PKIB: variants seen among roughly 807,000 people sequenced by gnomAD.
PKIB encodes the protein PKI-beta.
In PKIB, 2 loss-of-function variants were observed where a neutral mutation model predicts 4.5. The observed-to-expected ratio is 0.44, with a 90% CI of 0.18 to 1.39. The LOEUF (loss-of-function observed/expected upper bound fraction) is 1.39. Among genes scored for constraint, PKIB ranks in the 40% most tolerant of loss-of-function variants. PKIB has a pLI of 0.27. For synonymous variants in PKIB, 38 were observed against 36.0 expected, an observed-to-expected ratio of 1.06 and a Z score of -0.20; for missense variants, 94 against 92.6, an observed-to-expected ratio of 1.02 and a Z score of -0.06.
chr6:122,628,061 CAG>C (rs1294701015), intron 1 of PKIB, among the ~76,000 whole-genome samples: 5 of 143,358 alleles, frequency 3.5e-5, no homozygotes, highest in East Asian at 2.1e-4. Flanking sequence ...TTTTTTGAGA[CAG>C]AGTTTTGCTC....
At chr6:122,667,250 G>C (rs1404713758) in intron 2 of PKIB, among the ~76,000 whole-genome samples, 2 of 152,088 alleles carry the variant, frequency 1.3e-5, no homozygotes, top group Admixed American at 6.5e-5. Context: ...TTTAACCTCA[G>C]ATATACCTAT....
At chr6:122,716,785 T>A (rs971879405) in intron 3 of PKIB, among the ~76,000 whole-genome samples, 7 of 152,174 alleles carry the variant, frequency 4.6e-5, no homozygotes, top group Non-Finnish European at 1.0e-4. Flanking sequence ...TTTTTAGGTA[T>A]CACAAATGAG....
At position 122,688,419 on chromosome 6, in the gene PKIB, C is replaced by T. The variant is rs114556500; in HGVS notation, c.-9+13275C>T. Among the ~76,000 whole-genome samples, 454 of 152,036 alleles carry T rather than the reference C, an allele frequency of 3.0e-3. 1 individual carries two copies. The highest frequency in any genetic ancestry group is 0.011 in the African/African-American group (438 of 41,516). On this transcript the variant is annotated intron_variant, in intron 3 of 4. Coordinates refer to ENST00000368452, the MANE Select transcript of PKIB (RefSeq NM_181795.3). ...GATATTGGTGTGTATTTTTCTCTTT[C>T]GGATGTGTCTTTGTCTGGTTTTGGA...
At chr6:122,529,215 A>G (rs1461652629) in intron 2 of PKIB, among the ~76,000 whole-genome samples, 1 of 152,114 alleles carries the variant, frequency 6.6e-6, no homozygotes, top group Non-Finnish European at 1.5e-5. Flanking sequence ...CCTTTTGGAT[A>G]TATTACATAG....
At chr6:122,544,384 T>TA (rs11393404) in intron 2 of PKIB, among the ~76,000 whole-genome samples, 128,625 of 151,004 alleles carry the variant, frequency 0.85, 54,976 homozygotes, top group South Asian at 0.95. Context: ...TTTTAAAAAT[T>TA]AAAAAAAAAT....
chr6:122,497,819 A>G (rs1435748500), intron 2 of PKIB, among the ~76,000 whole-genome samples: 3 of 152,174 alleles, frequency 2.0e-5, no homozygotes, highest in African/African-American at 7.2e-5. Flanking sequence ...AAGAAAACTA[A>G]TAAGAAAGTC....
intron 3 of PKIB, 31 bp from the exon 4 acceptor site, chr6:122,717,756 C>T (rs552648535): frequency 6.2e-7 from 1 of 1,607,454 alleles, no homozygotes; most frequent in African/African-American, 1.3e-5. Flanking sequence ...TGAATAGGCT[C>T]ATCTTCTTCA....
chr6:122,634,920 TG>T (rs746127332), intron 2 of PKIB, among the ~76,000 whole-genome samples: 2 of 150,892 alleles, frequency 1.3e-5, no homozygotes, highest in South Asian at 4.2e-4. Context: ...CCAGCCTGGG[TG>T]ACAGAGCGAG....
intron 2 of PKIB, among the ~76,000 whole-genome samples, chr6:122,653,808 A>C (rs1776665422): frequency 6.6e-6 from 1 of 152,112 alleles, no homozygotes; most frequent in African/African-American, 2.4e-5. Flanking sequence ...TAAAAGTACA[A>C]AAATTAGCTG....
intron 3 of PKIB, among the ~76,000 whole-genome samples, chr6:122,707,585 G>T (rs1188231077): frequency 1.3e-5 from 2 of 152,042 alleles, no homozygotes; most frequent in Non-Finnish European, 2.9e-5. Flanking sequence ...ACTCAGCCAT[G>T]TTCCTTGCTT....
At chr6:122,490,068 G>A (rs1231886570) in intron 2 of PKIB, among the ~76,000 whole-genome samples, 1 of 152,180 alleles carries the variant, frequency 6.6e-6, no homozygotes, top group African/African-American at 2.4e-5. Context: ...TTCAAAAATA[G>A]TTTGCAAACT....
chr6:122,715,095 AT>A (rs563770467), intron 3 of PKIB, among the ~76,000 whole-genome samples: 2 of 151,936 alleles, frequency 1.3e-5, no homozygotes, highest in South Asian at 2.1e-4. Context: ...AAAAAAAAAA[AT>A]ATTTAAAAAA....
intron 1 of PKIB, among the ~76,000 whole-genome samples, chr6:122,628,040 T>G (rs1389831350): frequency 6.8e-6 from 1 of 146,240 alleles, no homozygotes; most frequent in Non-Finnish European, 1.5e-5. Flanking sequence ...GTGTATCCAG[T>G]TCTTTTTTTT....
At chr6:122,541,452 G>A (rs1317996776) in intron 2 of PKIB, among the ~76,000 whole-genome samples, 1 of 151,816 alleles carries the variant, frequency 6.6e-6, no homozygotes, top group African/African-American at 2.4e-5. Flanking sequence ...AGCTTAGTTT[G>A]GCTGGATATG....
chr6:122,703,504 G>A (rs530438964), intron 3 of PKIB, among the ~76,000 whole-genome samples: 5 of 152,014 alleles, frequency 3.3e-5, no homozygotes, highest in African/African-American at 1.2e-4. Flanking sequence ...ACATATGTAA[G>A]TATAAATGAC....
intron 2 of PKIB, among the ~76,000 whole-genome samples, chr6:122,545,323 A>T (rs1381648637): frequency 7.2e-5 from 11 of 151,864 alleles, no homozygotes; most frequent in Admixed American, 7.2e-4. Flanking sequence ...GAAGAATGAG[A>T]TCATGTCTTT....
At chr6:122,656,402 A>T (rs1776777204) in intron 2 of PKIB, among the ~76,000 whole-genome samples, 2 of 152,182 alleles carry the variant, frequency 1.3e-5, no homozygotes, top group African/African-American at 4.8e-5. Flanking sequence ...ATTAAATAAA[A>T]TTTTTTACTT....
chr6:122,602,439 T>C (rs1774398861), intron 3 of PKIB, among the ~76,000 whole-genome samples: 1 of 152,224 alleles, frequency 6.6e-6, no homozygotes, highest in Non-Finnish European at 1.5e-5. Context: ...TTCTGAGAAA[T>C]GTTGATGCCA....
chr6:122,592,681 T>A (rs2114727041), intron 3 of PKIB, among the ~76,000 whole-genome samples: 1 of 152,300 alleles, frequency 6.6e-6, no homozygotes, highest in East Asian at 1.9e-4. Flanking sequence ...GCCATTGCCT[T>A]TTTTAGAGTA....
Sources: gnomAD v4.1 joint callset for allele counts (sites outside exome capture counted in the v4.1 genomes callset) on GRCh38, gnomAD v4.1.1 for gene constraint, MANE v1.5 for transcripts, NCBI Gene and HGNC (gene_info 2026-07-23, HGNC 2026-07-21) for gene names.